The following JAKMIP2 variants were observed in gnomAD, a reference collection of about 807,000 sequenced individuals.
The protein encoded by JAKMIP2 is janus kinase and microtubule-interacting protein 2.
In JAKMIP2, 25 loss-of-function variants were observed where a neutral mutation model predicts 115.0. The ratio of observed to expected loss-of-function variants is 0.22; its 90% CI spans 0.16 to 0.30. The LOEUF is 0.30. Ranked by LOEUF, JAKMIP2 falls within the 10% of genes least tolerant of loss-of-function variation. JAKMIP2 has a pLI of 1.00. For missense variants in JAKMIP2, 642 were observed against 957.6 expected, an observed-to-expected ratio of 0.67 and a Z score of 4.35; for synonymous variants, 334 against 343.6, an observed-to-expected ratio of 0.97 and a Z score of 0.31.
chr5:147,702,315 G>A (rs1056432144), intron 1 of JAKMIP2, among the ~76,000 whole-genome samples: 1 of 131,004 alleles, frequency 7.6e-6, no homozygotes, highest in Non-Finnish European at 1.6e-5. Context: ...AAGGGTGGAA[G>A]GGGGGGTGAC....
intron 1 of JAKMIP2, among the ~76,000 whole-genome samples, chr5:147,701,758 G>A (rs1396694919): frequency 1.3e-5 from 2 of 152,180 alleles, no homozygotes; most frequent in African/African-American, 4.8e-5. Context: ...GATGCAGCAA[G>A]TAGGTGCCAT....
At chr5:147,754,751 T>C (rs1013520382) in intron 1 of JAKMIP2, among the ~76,000 whole-genome samples, 7 of 152,194 alleles carry the variant, frequency 4.6e-5, no homozygotes, top group Non-Finnish European at 7.3e-5. Context: ...AAAGGTGAAG[T>C]AATTTATCCA....
At chr5:147,741,841 T>C (rs2126996444) in intron 1 of JAKMIP2, among the ~76,000 whole-genome samples, 1 of 152,154 alleles carries the variant, frequency 6.6e-6, no homozygotes. Flanking sequence ...GCAAAACTGC[T>C]GGAAAAAAAC....
At chr5:147,721,787 G>A (rs1045251403) in intron 1 of JAKMIP2, among the ~76,000 whole-genome samples, 2 of 152,156 alleles carry the variant, frequency 1.3e-5, no homozygotes, top group Admixed American at 1.3e-4. Flanking sequence ...ACCTCAGATG[G>A]AAATGCAGAA....
Position 147,720,254 on chromosome 5 carries a change from C to T in JAKMIP2, c.-148-48300G>A, listed in dbSNP as rs183538421. ...GATGGGCTTCCCTTTGAGGGTAACC[C>T]GACCTTTCTCTCTGGCTGCCCTTAA... On this transcript the variant is annotated intron_variant, in intron 1 of 21. Coordinates refer to ENST00000616793, the MANE Select transcript of JAKMIP2 (RefSeq NM_001270941.2). Among the ~76,000 whole-genome samples the T allele has an allele frequency of 5.1e-3, 781 of 152,048 alleles. 17 individuals are homozygous for T. The highest frequency in any genetic ancestry group is 0.018 in the African/African-American group (740 of 41,458).
At chr5:147,715,030 T>C (rs1283919519) in intron 1 of JAKMIP2, among the ~76,000 whole-genome samples, 1 of 152,180 alleles carries the variant, frequency 6.6e-6, no homozygotes, top group Admixed American at 6.5e-5. Context: ...TAGCATCTAA[T>C]TCTGTAATTC....
chr5:147,706,390 A>T (rs1752560877), intron 1 of JAKMIP2, among the ~76,000 whole-genome samples: 1 of 152,130 alleles, frequency 6.6e-6, no homozygotes, highest in African/African-American at 2.4e-5. Flanking sequence ...TCTGGCTGAA[A>T]TATTGAGATA....
At chr5:147,604,209 C>A (rs1755874941) in intron 20 of JAKMIP2, among the ~76,000 whole-genome samples, 1 of 152,162 alleles carries the variant, frequency 6.6e-6, no homozygotes, top group African/African-American at 2.4e-5. Context: ...CTCAATCCTG[C>A]AAAACTAAAT....
At chr5:147,780,280 C>T in intron 1 of JAKMIP2, among the ~76,000 whole-genome samples, 1 of 152,038 alleles carries the variant, frequency 6.6e-6, no homozygotes, top group East Asian at 1.9e-4. Context: ...AGGCTATCTA[C>T]AAGGAGTTTT....
intron 1 of JAKMIP2, among the ~76,000 whole-genome samples, chr5:147,744,789 G>A (rs1335880298): frequency 2.0e-5 from 3 of 152,166 alleles, no homozygotes; most frequent in Admixed American, 1.3e-4. Context: ...GCCAGGCACA[G>A]TGGCTTATGC....
At chr5:147,623,501 T>C (rs1466966538) in intron 17 of JAKMIP2, 120 bp downstream of exon 17, 2 of 598,128 alleles carry the variant, frequency 3.3e-6, no homozygotes, top group Non-Finnish European at 5.9e-6. Flanking sequence ...GTACATAAAA[T>C]AATAATGGAA....
chr5:147,776,580 G>A (rs1267610774), intron 1 of JAKMIP2, among the ~76,000 whole-genome samples: 1 of 152,134 alleles, frequency 6.6e-6, no homozygotes, highest in Admixed American at 6.5e-5. Flanking sequence ...TTTATTCTGA[G>A]AAGTCGTTTA....
At chr5:147,731,929 T>A (rs1300964866) in intron 1 of JAKMIP2, among the ~76,000 whole-genome samples, 1 of 152,220 alleles carries the variant, frequency 6.6e-6, no homozygotes, top group Non-Finnish European at 1.5e-5. Context: ...ATTCAGACGA[T>A]GTATCAAGAA....
chr5:147,765,722 T>C (rs1468450021), intron 1 of JAKMIP2, among the ~76,000 whole-genome samples: 1 of 152,062 alleles, frequency 6.6e-6, no homozygotes, highest in Non-Finnish European at 1.5e-5. Context: ...GAAATGCAAG[T>C]CAACAAAAAG....
chr5:147,777,478 T>C (rs1561589672), intron 1 of JAKMIP2, among the ~76,000 whole-genome samples: 1 of 152,210 alleles, frequency 6.6e-6, no homozygotes, highest in Non-Finnish European at 1.5e-5. Flanking sequence ...TGTGTCTCTA[T>C]GTGCATATAC....
In JAKMIP2 at chr5:147,639,945, C is replaced by T. The variant is rs372579039; in HGVS notation, c.1402-185G>A. Among the ~76,000 whole-genome samples, 12 of 152,246 alleles carry T rather than the reference C, an allele frequency of 7.9e-5. 1 individual carries two copies. The highest frequency in any genetic ancestry group is 2.9e-4 in the African/African-American group (12 of 41,540). On this transcript the variant is annotated intron_variant, in intron 9 of 21. Coordinates refer to ENST00000616793, the MANE Select transcript of JAKMIP2 (RefSeq NM_001270941.2). ...AATACTGTAATACTTTCAAGATGGACACTGCAGAAATACATAAATATTTAT... is the reference window on the plus strand; with the variant it reads ...AATACTGTAATACTTTCAAGATGGATACTGCAGAAATACATAAATATTTAT...
chr5:147,648,017 T>G (rs760946237), intron 5 of JAKMIP2, among the ~76,000 whole-genome samples: 20 of 152,190 alleles, frequency 1.3e-4, no homozygotes, highest in Non-Finnish European at 2.8e-4. Flanking sequence ...CAAACAAAGC[T>G]GAGTGAAAGA....
Position 147,660,981 on chromosome 5 carries a change from G to T in JAKMIP2, c.594C>A (p.Ile198=), listed in dbSNP as rs1758929895. The T allele has an allele frequency of 3.1e-6, 5 of 1,613,758 alleles. No individual in the cohort carries two copies. The highest frequency in any genetic ancestry group is 1.3e-5 in the African/African-American group (1 of 74,820). The change falls in exon 3 of 22, where the codon ATC becomes ATA. Residue 198 remains isoleucine, a synonymous_variant. Transcript: ENST00000616793. ...HQSHQEAISK[I]KWESERDIRR... The stretch of plus-strand genomic sequence containing the variant: ...GAATATCCCGCTCCGACTCCCACTT[G>T]ATCTTCGAGATGGCTTCTTGGTGGG...
intron 1 of JAKMIP2, among the ~76,000 whole-genome samples, chr5:147,712,259 G>A (rs1158160437): frequency 3.3e-5 from 5 of 152,170 alleles, no homozygotes; most frequent in African/African-American, 1.2e-4. Flanking sequence ...CAGGCCACCT[G>A]ATCAAGGTTC....
Sources: gnomAD v4.1 joint callset for allele counts (sites outside exome capture counted in the v4.1 genomes callset) on GRCh38, gnomAD v4.1.1 for gene constraint, MANE v1.5 for transcripts, NCBI Gene and HGNC (gene_info 2026-07-23, HGNC 2026-07-21) for gene names.